Variants in TIMP2 observed in about 807,000 individuals in gnomAD.
The protein encoded by TIMP2 is TIMP metallopeptidase inhibitor 2, also known as metalloproteinase inhibitor 2.
TIMP2 carries 5 observed loss-of-function variants against 24.3 expected under a neutral mutation model. The ratio of observed to expected loss-of-function variants is 0.21; its 90% confidence interval spans 0.11 to 0.43. The LOEUF is 0.43. Ranked by LOEUF, TIMP2 falls within the 20% of genes least tolerant of loss-of-function variation. The pLI is 1.00. For missense variants in TIMP2, 221 were observed against 297.5 expected, an observed-to-expected ratio of 0.74 and a Z score of 1.89; for synonymous variants, 130 against 123.2, an observed-to-expected ratio of 1.06 and a Z score of -0.37.
chr17:78,884,333 A>G (rs2069806824), intron 1 of TIMP2, among the ~76,000 whole-genome samples: 3 of 152,280 alleles, frequency 2.0e-5, no homozygotes, highest in South Asian at 2.1e-4. Context: ...AAGCCGATCC[A>G]TTTTTGGGGA....
In TIMP2 at chr17:78,891,437, T is replaced by C. The variant is rs1046338567; in HGVS notation, c.131-17518A>G. 2.8e-5 allele frequency: 43 copies of C among 1,550,956 alleles called. 2 individuals carry two copies. In the Admixed American group the frequency reaches 5.7e-4, roughly 21 times the overall value. On this transcript the variant is annotated intron_variant, in intron 1 of 4. Transcript: ENST00000262768. The surrounding 1 kb of genome is among the most constrained non-coding windows in gnomAD (Gnocchi z 4.5). The stretch of plus-strand genomic sequence containing the variant: ...TGCCAGGTACAAGCACAGGTGTTTT[T>C]TCAGCTTTCTGTTTATATTAAACAA...
rs572551227 is a variant in TIMP2, at chr17:78,911,818, G to A, written c.130+13141C>T. 1.3e-4 allele frequency among the ~76,000 whole-genome samples: 19 copies of A among 151,752 alleles called. No individual in the cohort carries two copies. The South Asian group carries it at 4.0e-3, about 32-fold the overall frequency. ...CCCAATACTTTGGGAGGCCATGGCG[G>A]GTGGATCACTTGAGGTCAGGAGTTC... On this transcript the variant is annotated intron_variant, in intron 1 of 4. Transcript: ENST00000262768.
intron 1 of TIMP2, chr17:78,901,939 G>A (rs1194033817): frequency 1.3e-5 from 8 of 604,566 alleles, no homozygotes; most frequent in African/African-American, 5.6e-5. Context: ...GGAGGCATCC[G>A]AACCAAGCCC....
Position 78,878,176 on chromosome 17 carries a change from C to T in TIMP2, c.131-4257G>A, listed in dbSNP as rs138271507. Among the ~76,000 whole-genome samples, 1,376 of 152,286 alleles carry T rather than the reference C, an allele frequency of 9.0e-3. 20 individuals are homozygous for T. Among genetic ancestry groups the T allele is most frequent in the African/African-American group, 0.032 (1,324 of 41,548 alleles). ...TTCACATGCTGTTCTCTTACAAAAA[C>T]GCCTAAGGCTCCCAGGTGGCAGCTG... On this transcript the variant is annotated intron_variant, in intron 1 of 4. Transcript: ENST00000262768.
chr17:78,881,333 C>T (rs1453954827), intron 1 of TIMP2, among the ~76,000 whole-genome samples: 3 of 152,248 alleles, frequency 2.0e-5, no homozygotes, highest in South Asian at 2.1e-4. Flanking sequence ...AAGGGGTCCC[C>T]ATGTTCTCAA....
Position 78,867,594 on chromosome 17 carries a change from C to CT in TIMP2, c.340+3303dup, listed in dbSNP as rs58975858. ...AGAGTCTCTCTTCCTTTTGTACCTT[C>CT]TTTTTTTTTTTTTTTTTTTGAGATG... On this transcript the variant is annotated intron_variant, in intron 3 of 4. Coordinates refer to ENST00000262768, the MANE Select transcript of TIMP2 (RefSeq NM_003255.5). Among the ~76,000 whole-genome samples, 767 of 127,638 alleles carry CT rather than the reference C, an allele frequency of 6.0e-3. 6 individuals are homozygous for CT. The highest frequency in any genetic ancestry group is 0.027 in the East Asian group (125 of 4,584). 83.7% of individuals were successfully genotyped at this position (127,638 alleles called of 152,430 possible). A position where few individuals can be genotyped will look rare whatever the true frequency, so the allele number is the denominator to read the frequency against.
chr17:78,867,827 C>T (rs1422038127), intron 3 of TIMP2, among the ~76,000 whole-genome samples: 1 of 151,922 alleles, frequency 6.6e-6, no homozygotes, highest in East Asian at 1.9e-4. Flanking sequence ...TCTCAATCTC[C>T]TGACCTCATG....
In TIMP2 at chr17:78,855,259, A is replaced by G. The variant is rs934970664; in HGVS notation, c.*408T>C. 1 of 229,548 alleles carries G rather than the reference A, an allele frequency of 4.4e-6. No homozygotes were observed. Among genetic ancestry groups the G allele is most frequent in the Non-Finnish European group, 8.9e-6 (1 of 112,622 alleles). 14.2% of individuals were successfully genotyped at this position (229,548 alleles called of 1,614,324 possible). A position where few individuals can be genotyped will look rare whatever the true frequency, so the allele number is the denominator to read the frequency against. On this transcript the variant is annotated 3_prime_UTR_variant, in exon 5 of 5. Coordinates refer to ENST00000262768, the MANE Select transcript of TIMP2 (RefSeq NM_003255.5). The surrounding 1 kb of genome is among the most constrained non-coding windows in gnomAD (Gnocchi z 6.0). ...GAAAGGGACCTGGTAGGCCTGCTACACAGTCTTGCAACGACCCTCAAAAGT... is the reference window on the plus strand; with the variant it reads ...GAAAGGGACCTGGTAGGCCTGCTACGCAGTCTTGCAACGACCCTCAAAAGT...
Position 78,914,260 on chromosome 17 carries a change from CATTTATTT to C in TIMP2, c.130+10691_130+10698del, listed in dbSNP as rs200386858. Among the ~76,000 whole-genome samples, 442 of 97,134 alleles carry C rather than the reference CATTTATTT, an allele frequency of 4.6e-3. 3 individuals carry two copies. The highest frequency in any genetic ancestry group is 0.024 in the Middle Eastern group (4 of 170). The allele number at this position is 97,134 out of a possible 152,430, so 63.7% of individuals were successfully genotyped here. A position where few individuals can be genotyped will look rare whatever the true frequency, so the allele number is the denominator to read the frequency against. On this transcript the variant is annotated intron_variant, in intron 1 of 4. Transcript: ENST00000262768. Reference sequence around the variant, plus strand: ...ATCTGCCTTCGAAATTTTGGCTATTCATTTATTTATTTATTTATTTATTTATTTATTTA... The same window carrying C: ...ATCTGCCTTCGAAATTTTGGCTATTCATTTATTTATTTATTTATTTATTTA...
intron 1 of TIMP2, chr17:78,901,120 G>A (rs1568004336): frequency 6.5e-6 from 1 of 152,714 alleles, no homozygotes; most frequent in African/African-American, 2.4e-5. Context: ...GCCGAGAACA[G>A]AGTCTGGCTT....
At chr17:78,888,717 T>C (rs1219289001) in intron 1 of TIMP2, among the ~76,000 whole-genome samples, 1 of 152,042 alleles carries the variant, frequency 6.6e-6, no homozygotes, top group Non-Finnish European at 1.5e-5. Flanking sequence ...TCCCAAAATG[T>C]TGGGATTGTA....
intron 3 of TIMP2, among the ~76,000 whole-genome samples, chr17:78,859,845 A>G (rs890178833): frequency 4.6e-5 from 7 of 151,776 alleles, no homozygotes; most frequent in Non-Finnish European, 7.4e-5. Context: ...TACAAAAATT[A>G]GCTGGGCATG....
intron 2 of TIMP2, 142 bp from the exon 3 acceptor site, chr17:78,871,148 A>G: frequency 1.6e-6 from 1 of 616,694 alleles, no homozygotes; most frequent in Non-Finnish European, 2.8e-6. Context: ...GTGCAAATAC[A>G]TGGGTTAGGA....
intron 1 of TIMP2, among the ~76,000 whole-genome samples, chr17:78,893,443 G>GCA (rs1568001263): frequency 2.8e-5 from 4 of 140,724 alleles, no homozygotes; most frequent in African/African-American, 1.1e-4. Flanking sequence ...GTGTGTGCGT[G>GCA]GGGCTGTGTG....
At position 78,896,127 on chromosome 17, in the gene TIMP2, C is replaced by T. The variant is rs892251252; in HGVS notation, c.131-22208G>A. On this transcript the variant is annotated intron_variant, in intron 1 of 4. Transcript: ENST00000262768. This position sits in a 1 kb window ranked among gnomAD's most constrained non-coding sequence, Gnocchi z 4.4. ...CTTCAGGAATCGATCCCCGCTCTGA[C>T]ACCATCAGATGCAACCTCGTCCCCG... 6.6e-6 allele frequency among the ~76,000 whole-genome samples: 1 copy of T among 152,264 alleles called. No individual in the cohort carries two copies.
chr17:78,897,151 T>C lies in TIMP2; in HGVS notation c.131-23232A>G, dbSNP rs541078574. ...CCTCCGAAGGAGACTCCAGGCCTGCTGTGCACTCCTGTGGCATCGGGGGGC... is the reference window on the plus strand; with the variant it reads ...CCTCCGAAGGAGACTCCAGGCCTGCCGTGCACTCCTGTGGCATCGGGGGGC... On this transcript the variant is annotated intron_variant, in intron 1 of 4. Coordinates refer to ENST00000262768, the MANE Select transcript of TIMP2 (RefSeq NM_003255.5). 1,930 of 230,484 alleles carry C rather than the reference T, an allele frequency of 8.4e-3. 33 individuals are homozygous for C. The highest frequency in any genetic ancestry group is 0.042 in the African/African-American group (1,804 of 42,992). The allele number at this position is 230,484 out of a possible 1,614,324, so 14.3% of individuals were successfully genotyped here. A position where few individuals can be genotyped will look rare whatever the true frequency, so the allele number is the denominator to read the frequency against.
At chr17:78,857,885 C>T (rs925631231) in intron 3 of TIMP2, among the ~76,000 whole-genome samples, 9 of 151,828 alleles carry the variant, frequency 5.9e-5, no homozygotes, top group African/African-American at 7.3e-5. Flanking sequence ...GCCTGGCCAA[C>T]GTGATGAAAC....
rs1268349848 is a variant in TIMP2 at position 78,855,467 on chromosome 17, A to T, written c.*200T>A. On this transcript the variant is annotated 3_prime_UTR_variant, in exon 5 of 5. Coordinates refer to ENST00000262768, the MANE Select transcript of TIMP2 (RefSeq NM_003255.5). The surrounding 1 kb of genome is among the most constrained non-coding windows in gnomAD (Gnocchi z 6.0). Reference sequence around the variant, plus strand: ...TAGTGCCTGGCAGAGGGAGGATGGGATGAGGACCTTGGACCCACGTCTCCC... The same window carrying T: ...TAGTGCCTGGCAGAGGGAGGATGGGTTGAGGACCTTGGACCCACGTCTCCC... The T allele has an allele frequency of 9.5e-6, 6 of 634,446 alleles. No individual in the cohort carries two copies. Among genetic ancestry groups the T allele is most frequent in the African/African-American group, 7.3e-5 (4 of 54,582 alleles). The allele number at this position is 634,446 out of a possible 1,614,324, so 39.3% of individuals were successfully genotyped here.
At position 78,920,669 on chromosome 17, in the gene TIMP2, T is replaced by C. The variant is rs898820267; in HGVS notation, c.130+4290A>G. On this transcript the variant is annotated intron_variant, in intron 1 of 4. Coordinates refer to ENST00000262768, the MANE Select transcript of TIMP2 (RefSeq NM_003255.5). The surrounding 1 kb of genome is among the most constrained non-coding windows in gnomAD (Gnocchi z 4.5). ...GCCTTCTATCCTCACATCTTGCAAATGCATTTCACATTGTCACATGATTAC... is the reference window on the plus strand; with the variant it reads ...GCCTTCTATCCTCACATCTTGCAAACGCATTTCACATTGTCACATGATTAC... 1.3e-5 allele frequency among the ~76,000 whole-genome samples: 2 copies of C among 152,218 alleles called. No homozygotes were observed. The highest frequency in any genetic ancestry group is 2.9e-5 in the Non-Finnish European group (2 of 68,046).
Sources: gnomAD v4.1 joint callset for allele counts (sites outside exome capture counted in the v4.1 genomes callset) on GRCh38, gnomAD v4.1.1 for gene constraint, Gnocchi (gnomAD v3.1) non-coding constraint, MANE v1.5 for transcripts, NCBI Gene and HGNC (gene_info 2026-07-23, HGNC 2026-07-21) for gene names.